Variants in LMOD1 observed in about 807,000 individuals in gnomAD.
LMOD1 encodes the protein leiomodin-1.
LMOD1 carries 8 observed loss-of-function variants against 36.5 expected under a neutral mutation model. That is an observed-to-expected ratio of 0.22 (90% confidence interval 0.13 to 0.40). The LOEUF is 0.40. Ranked by LOEUF, LMOD1 falls within the 10% of genes least tolerant of loss-of-function variation. The probability of loss-of-function intolerance (pLI) is 1.00; values close to 1 mark genes in which losing one functional copy is unlikely to be tolerated. For missense variants in LMOD1, 630 were observed against 751.1 expected, an observed-to-expected ratio of 0.84 and a Z score of 1.88; for synonymous variants, 284 against 288.7, an observed-to-expected ratio of 0.98 and a Z score of 0.17.
At chr1:201,912,958 A>C (rs1681539470) in intron 1 of LMOD1, among the ~76,000 whole-genome samples, 1 of 152,138 alleles carries the variant, frequency 6.6e-6, no homozygotes, top group African/African-American at 2.4e-5. Context: ...AAGGCCTGCA[A>C]ACTTGAGGAT....
chr1:201,945,163 C>T (rs903117643), intron 1 of LMOD1, among the ~76,000 whole-genome samples: 12 of 152,136 alleles, frequency 7.9e-5, no homozygotes, highest in Non-Finnish European at 1.5e-4. Context: ...CATACTTCAT[C>T]GGAGGCTAGT....
chr1:201,938,344 GTCTCAAA>G (rs974126745), intron 1 of LMOD1, among the ~76,000 whole-genome samples: 2 of 152,030 alleles, frequency 1.3e-5, no homozygotes, highest in African/African-American at 4.8e-5. Context: ...AGTCAGGCTG[GTCTCAAA>G]CTCCCCACCT....
intron 1 of LMOD1, among the ~76,000 whole-genome samples, chr1:201,916,799 C>T (rs929011694): frequency 2.0e-5 from 3 of 152,098 alleles, no homozygotes; most frequent in African/African-American, 7.2e-5. Flanking sequence ...TACACATCAG[C>T]CCCGGTGATA....
At chr1:201,915,154 C>T (rs1467403316) in intron 1 of LMOD1, among the ~76,000 whole-genome samples, 3 of 152,290 alleles carry the variant, frequency 2.0e-5, no homozygotes, top group Non-Finnish European at 2.9e-5. Flanking sequence ...CTTCAAAACG[C>T]TTCCCCATCG....
At chr1:201,937,474 C>CA (rs1489402694) in intron 1 of LMOD1, among the ~76,000 whole-genome samples, 12 of 150,312 alleles carry the variant, frequency 8.0e-5, no homozygotes, top group Admixed American at 5.3e-4. Flanking sequence ...AAAACAAAAA[C>CA]AAAAAAACAA....
Position 201,933,565 on chromosome 1 carries a change from A to ACATACAT in LMOD1, c.261+12514_261+12515insATGTATG, listed in dbSNP as rs1436927209. ...TAATACATATATATATAATACATAT[A>ACATACAT]TATATTATATATGTACACATATACA... is the stretch of plus-strand genomic sequence containing the variant. On this transcript the variant is annotated intron_variant, in intron 1 of 2. Transcript: ENST00000367288. 1.7e-3 allele frequency among the ~76,000 whole-genome samples: 236 copies of ACATACAT among 139,828 alleles called. 1 individual carries two copies. The highest frequency in any genetic ancestry group is 3.2e-3 in the Non-Finnish European group (209 of 64,866). 91.7% of individuals were successfully genotyped at this position (139,828 alleles called of 152,430 possible).
chr1:201,912,811 A>G (rs751539149), intron 1 of LMOD1, among the ~76,000 whole-genome samples: 1 of 152,164 alleles, frequency 6.6e-6, no homozygotes, highest in Non-Finnish European at 1.5e-5. Flanking sequence ...GTGAGCCGAG[A>G]TGGCACCACT....
chr1:201,916,108 G>C (rs924650502), intron 1 of LMOD1, among the ~76,000 whole-genome samples: 1 of 151,674 alleles, frequency 6.6e-6, no homozygotes, highest in African/African-American at 2.4e-5. Context: ...TGTAGAGACG[G>C]GGTTTCGCCA....
intron 1 of LMOD1, among the ~76,000 whole-genome samples, chr1:201,917,278 A>T (rs981205253): frequency 6.6e-6 from 1 of 152,206 alleles, no homozygotes; most frequent in Non-Finnish European, 1.5e-5. Context: ...ATCAAGAGGC[A>T]CCAGAAAGGA....
At chr1:201,921,749 A>G (rs935580716) in intron 1 of LMOD1, among the ~76,000 whole-genome samples, 2 of 152,018 alleles carry the variant, frequency 1.3e-5, no homozygotes, top group East Asian at 3.9e-4. Flanking sequence ...TCACGAGGTC[A>G]GGAGATCGAG....
intron 1 of LMOD1, among the ~76,000 whole-genome samples, chr1:201,905,978 C>G (rs1334553128): frequency 6.6e-6 from 1 of 152,236 alleles, no homozygotes; most frequent in African/African-American, 2.4e-5. Context: ...TGATGCCACC[C>G]TTGCTACGTC....
chr1:201,907,118 G>A (rs763702941), intron 1 of LMOD1, among the ~76,000 whole-genome samples: 1 of 152,232 alleles, frequency 6.6e-6, no homozygotes, highest in Admixed American at 6.5e-5. Flanking sequence ...CAGGAAAACT[G>A]GGGGCTGTTC....
intron 1 of LMOD1, among the ~76,000 whole-genome samples, chr1:201,923,908 G>GGA (rs557889560): frequency 0.25 from 30,823 of 123,812 alleles, 3,637 homozygotes; most frequent in Middle Eastern, 0.32. Context: ...AGAGAGGGAG[G>GGA]GAGAGAGAGA....
intron 1 of LMOD1, among the ~76,000 whole-genome samples, chr1:201,910,274 ATT>A (rs4025032): frequency 0.048 from 6,575 of 135,912 alleles, 147 homozygotes; most frequent in African/African-American, 0.064. Context: ...TCCTATACGC[ATT>A]TTTTTTTTTT....
chr1:201,940,711 A>G (rs1334009652), intron 1 of LMOD1, among the ~76,000 whole-genome samples: 1 of 149,100 alleles, frequency 6.7e-6, no homozygotes, highest in Non-Finnish European at 1.5e-5. Context: ...CAGCCTCCCA[A>G]GTAGCTGGAC....
chr1:201,914,614 G>A (rs1681569715), intron 1 of LMOD1, among the ~76,000 whole-genome samples: 1 of 151,980 alleles, frequency 6.6e-6, no homozygotes, highest in Admixed American at 6.5e-5. Context: ...ATTCTTGGCA[G>A]ACAATCTCCT....
intron 1 of LMOD1, among the ~76,000 whole-genome samples, chr1:201,913,650 G>A (rs934241007): frequency 6.6e-6 from 1 of 152,022 alleles, no homozygotes; most frequent in Non-Finnish European, 1.5e-5. Context: ...GACAAGGCTC[G>A]CCTCCTTAAT....
In LMOD1 at chr1:201,942,708, C is replaced by T. The variant is rs73072621; in HGVS notation, c.261+3372G>A. On this transcript the variant is annotated intron_variant, in intron 1 of 2. Transcript: ENST00000367288. ...TTTTAAATTTTATTATGAAAATTTT[C>T]GAACATACATACAAAAGTAGAAAAA... 9.1e-3 allele frequency among the ~76,000 whole-genome samples: 1,361 copies of T among 150,228 alleles called. 21 individuals are homozygous for T. The highest frequency in any genetic ancestry group is 0.032 in the African/African-American group (1,287 of 40,844).
In LMOD1 at chr1:201,901,553, CAT is replaced by C. The variant is rs1296066914; in HGVS notation, c.262-804_262-803del. Among the ~76,000 whole-genome samples, 8 of 38,356 alleles carry C rather than the reference CAT, an allele frequency of 2.1e-4. 1 individual carries two copies. Among genetic ancestry groups the C allele is most frequent in the African/African-American group, 1.2e-3 (8 of 6,816 alleles). The allele number at this position is 38,356 out of a possible 152,430, so 25.2% of individuals were successfully genotyped here. ...ATGTATATATATATATATATATATA[CAT>C]ATATATATGTATATATATATATATA... On this transcript the variant is annotated intron_variant, in intron 1 of 2. Transcript: ENST00000367288.
Sources: gnomAD v4.1 joint callset for allele counts (sites outside exome capture counted in the v4.1 genomes callset) on GRCh38, gnomAD v4.1.1 for gene constraint, MANE v1.5 for transcripts, NCBI Gene and HGNC (gene_info 2026-07-23, HGNC 2026-07-21) for gene names.